The following MCOLN2 variants were observed in gnomAD, a reference collection of about 807,000 sequenced individuals.
The protein encoded by MCOLN2 is mucolipin TRP cation channel 2, also known as mucolipin-2.
In MCOLN2, 57 loss-of-function variants were observed where a neutral mutation model predicts 67.5. The observed-to-expected ratio is 0.84, with a 90% CI of 0.68 to 1.05. The LOEUF is 1.05. Among genes scored for constraint, MCOLN2 ranks in the 50% least tolerant of loss-of-function variants. The probability of loss-of-function intolerance (pLI) is 0.00; values close to 1 mark genes in which losing one functional copy is unlikely to be tolerated. For synonymous variants in MCOLN2, 246 were observed against 233.3 expected (o/e 1.05, Z -0.50); for missense variants, 620 against 678.8 (o/e 0.91, Z 0.96).
chr1:84,990,720 C>A (rs970552641), intron 1 of MCOLN2, among the ~76,000 whole-genome samples: 2 of 151,818 alleles, frequency 1.3e-5, no homozygotes, highest in African/African-American at 4.8e-5. Context: ...GAGTTTGAGA[C>A]CAGTCTGAGC....
At chr1:84,995,875 G>T (rs1651124805) in intron 1 of MCOLN2, among the ~76,000 whole-genome samples, 1 of 151,798 alleles carries the variant, frequency 6.6e-6, no homozygotes, top group African/African-American at 2.4e-5. Context: ...CACTTTATTA[G>T]GATTCACTCA....
rs146804612 is a variant in MCOLN2, at chr1:84,984,370, C to G, written c.77+12426G>C. Among the ~76,000 whole-genome samples, 69 of 150,446 alleles carry G rather than the reference C, an allele frequency of 4.6e-4. No individual in the cohort carries two copies. The East Asian group carries it at 0.01, about 22-fold the overall frequency. The stretch of plus-strand genomic sequence containing the variant: ...CACAAGCCAGGTACCCTGTCAATTC[C>G]TTTCTTCCACAGAGAGACATCAATG... On this transcript the variant is annotated intron_variant, in intron 1 of 13. Transcript: ENST00000370608.
At chr1:84,927,998 A>G (rs2102795160) in intron 13 of MCOLN2, among the ~76,000 whole-genome samples, 1 of 152,242 alleles carries the variant, frequency 6.6e-6, no homozygotes, top group Middle Eastern at 3.4e-3. Flanking sequence ...TCAAGGCCCC[A>G]TTACAATCCA....
chr1:84,940,117 G>T (rs1254088187), intron 8 of MCOLN2, among the ~76,000 whole-genome samples: 5 of 151,954 alleles, frequency 3.3e-5, no homozygotes, highest in African/African-American at 1.2e-4. Context: ...CAGAGTGCGT[G>T]CTCCAAATAT....
intron 1 of MCOLN2, among the ~76,000 whole-genome samples, chr1:84,992,383 GTC>G (rs1238745060): frequency 6.6e-6 from 1 of 152,150 alleles, no homozygotes; most frequent in Non-Finnish European, 1.5e-5. Flanking sequence ...GCTGGACACA[GTC>G]TCTCATACCA....
intron 1 of MCOLN2, among the ~76,000 whole-genome samples, chr1:84,968,103 A>T (rs1436825637): frequency 6.6e-6 from 1 of 152,206 alleles, no homozygotes; most frequent in African/African-American, 2.4e-5. Context: ...AAGAGAGCCA[A>T]GATTCTAGGC....
intron 8 of MCOLN2, among the ~76,000 whole-genome samples, chr1:84,940,677 T>C (rs556646108): frequency 1.1e-4 from 17 of 152,330 alleles, no homozygotes; most frequent in South Asian, 1.0e-3. Context: ...AATTATCTGA[T>C]CCCACTTGAC....
intron 1 of MCOLN2, among the ~76,000 whole-genome samples, chr1:84,982,089 A>ATTT (rs764293611): frequency 0.15 from 18,853 of 129,482 alleles, 1,362 homozygotes; most frequent in East Asian, 0.27. Flanking sequence ...TTTTTTTTTA[A>ATTT]AAAAAAGATG....
intron 11 of MCOLN2, among the ~76,000 whole-genome samples, chr1:84,933,347 G>C (rs1647267957): frequency 6.6e-6 from 1 of 152,042 alleles, no homozygotes. Context: ...TAAAGTTGGT[G>C]GCCAAGGGAG....
At chr1:84,970,048 C>T (rs1475219270) in intron 1 of MCOLN2, among the ~76,000 whole-genome samples, 1 of 152,190 alleles carries the variant, frequency 6.6e-6, no homozygotes, top group African/African-American at 2.4e-5. Context: ...TTCAGATCTC[C>T]TGAGAACATG....
chr1:84,935,959 G>T (rs1647401623), intron 11 of MCOLN2, among the ~76,000 whole-genome samples: 1 of 152,190 alleles, frequency 6.6e-6, no homozygotes, highest in Non-Finnish European at 1.5e-5. Flanking sequence ...ATGCTCTCTT[G>T]CAATGATCTG....
At chr1:84,995,615 T>C (rs1241214006) in intron 1 of MCOLN2, among the ~76,000 whole-genome samples, 1 of 152,150 alleles carries the variant, frequency 6.6e-6, no homozygotes, top group Non-Finnish European at 1.5e-5. Context: ...CATCTCTTTT[T>C]CCGCCGGTTT....
intron 9 of MCOLN2, among the ~76,000 whole-genome samples, chr1:84,938,568 G>A (rs545816735): frequency 2.0e-5 from 3 of 152,182 alleles, no homozygotes; most frequent in African/African-American, 7.2e-5. Flanking sequence ...CATATAATAC[G>A]CTAAATGCAG....
intron 1 of MCOLN2, among the ~76,000 whole-genome samples, chr1:84,976,244 C>G (rs958681693): frequency 6.6e-6 from 1 of 151,928 alleles, no homozygotes; most frequent in Non-Finnish European, 1.5e-5. Context: ...ATTTAATAAT[C>G]AGACTCCTAA....
intron 2 of MCOLN2, among the ~76,000 whole-genome samples, chr1:84,961,475 T>C (rs891471044): frequency 2.0e-5 from 3 of 152,170 alleles, no homozygotes; most frequent in African/African-American, 7.2e-5. Context: ...TAATCTCTGC[T>C]TGGAACCTCC....
chr1:84,967,970 T>C (rs1571010725), intron 1 of MCOLN2, among the ~76,000 whole-genome samples: 1 of 152,028 alleles, frequency 6.6e-6, no homozygotes, highest in Admixed American at 6.6e-5. Context: ...CTTTAAAAGA[T>C]TGAAGAGTTA....
At chr1:84,979,472 C>T (rs1370404825) in intron 1 of MCOLN2, among the ~76,000 whole-genome samples, 1 of 152,172 alleles carries the variant, frequency 6.6e-6, no homozygotes, top group East Asian at 1.9e-4. Flanking sequence ...AAAGATCATT[C>T]ATCATGACCA....
chr1:84,960,788 A>T (rs1412647179), intron 2 of MCOLN2, among the ~76,000 whole-genome samples: 1 of 152,236 alleles, frequency 6.6e-6, no homozygotes, highest in Non-Finnish European at 1.5e-5. Flanking sequence ...CTACTGACAC[A>T]TATGAAAAAA....
chr1:84,939,751 T>C (rs1647644776), intron 8 of MCOLN2, 49 bp from the exon 9 acceptor site: 4 of 1,600,964 alleles, frequency 2.5e-6, no homozygotes. Context: ...CACTGCCCTC[T>C]GGAAGAAGAA....
Sources: gnomAD v4.1 joint callset for allele counts (sites outside exome capture counted in the v4.1 genomes callset) on GRCh38, gnomAD v4.1.1 for gene constraint, MANE v1.5 for transcripts, NCBI Gene and HGNC (gene_info 2026-07-23, HGNC 2026-07-21) for gene names.